The following CLGN variants were observed in gnomAD, a reference collection of about 807,000 sequenced individuals.
CLGN encodes the protein calmegin.
Under a neutral mutation model 79.1 loss-of-function variants are expected in CLGN, and 62 were observed. The observed-to-expected ratio is 0.78, with a 90% CI of 0.64 to 0.97. The LOEUF is 0.97. Ranked by LOEUF, CLGN falls within the 50% of genes least tolerant of loss-of-function variation. The probability of loss-of-function intolerance (pLI) is 0.00; values close to 1 mark genes in which losing one functional copy is unlikely to be tolerated. For synonymous variants in CLGN, 225 were observed against 224.7 expected, an observed-to-expected ratio of 1.00 and a Z score of -0.01; for missense variants, 647 against 715.5, an observed-to-expected ratio of 0.90 and a Z score of 1.09.
intron 1 of CLGN, among the ~76,000 whole-genome samples, chr4:140,415,409 T>C (rs1729308976): frequency 6.6e-6 from 1 of 151,180 alleles, no homozygotes; most frequent in African/African-American, 2.4e-5. Flanking sequence ...GACTGGCAAA[T>C]TGGATAAAGA....
At chr4:140,409,986 A>G in intron 3 of CLGN, 91 bp from the exon 4 acceptor site, 1 of 752,280 alleles carries the variant, frequency 1.3e-6, no homozygotes, top group South Asian at 1.9e-5. Context: ...ATAAAAGATC[A>G]CCCAATACAG....
intron 8 of CLGN, among the ~76,000 whole-genome samples, chr4:140,397,497 T>C (rs899683534): frequency 1.3e-5 from 2 of 152,088 alleles, no homozygotes; most frequent in African/African-American, 4.8e-5. Context: ...TATTTTCATG[T>C]AGTTGAACTT....
Position 140,398,969 on chromosome 4 carries a change from C to T in CLGN, c.766G>A (p.Asp256Asn). The part of the protein sequence containing the change: ...TVVNKGSLLE[D>N]VVPPIKPPKE... ...GGAGGTTTGATAGGAGGAACCACAT[C>T]CTCTAGGAGGCTTCCTTTGTTTACA... The change falls in exon 8 of 15, where the codon GAT becomes AAT. Residue 256 changes from aspartate to asparagine, a missense_variant. By Grantham distance (23) the Asp-to-Asn change is conservative. Coordinates refer to ENST00000325617, the MANE Select transcript of CLGN (RefSeq NM_004362.3). 1.9e-6 allele frequency: 3 copies of T among 1,613,842 alleles called. No homozygotes were observed. The highest frequency in any genetic ancestry group is 2.5e-6 in the Non-Finnish European group (3 of 1,179,848).
At chr4:140,393,176 C>A (rs1339611399) in intron 11 of CLGN, among the ~76,000 whole-genome samples, 1 of 151,934 alleles carries the variant, frequency 6.6e-6, no homozygotes, top group East Asian at 1.9e-4. Flanking sequence ...TATTATTTCT[C>A]TTATTAAAAT....
rs1343674596 is a variant in CLGN, at chr4:140,393,834, C to G, written c.1357G>C (p.Ala453Pro). The change falls in exon 11 of 15, where the codon GCT becomes CCT. Residue 453 changes from alanine (A) to proline (P), a missense_variant. Coordinates refer to ENST00000325617, the MANE Select transcript of CLGN (RefSeq NM_004362.3). ...ATTGGTCAACACCATACCTTATTAG[C>G]ATTTGCTATCATTATTTTCCATCTC... is the stretch of plus-strand genomic sequence containing the variant. ...GWRWKIMIANANKPGVLKQLM... is the reference protein window; with the variant it reads ...GWRWKIMIANPNKPGVLKQLM... 1 of 1,613,354 alleles carries G rather than the reference C, an allele frequency of 6.2e-7. No individual in the cohort carries two copies. Among genetic ancestry groups the G allele is most frequent in the Admixed American group, 1.7e-5 (1 of 60,000 alleles).
chr4:140,400,026 T>G (rs1385592751), intron 7 of CLGN, among the ~76,000 whole-genome samples: 1 of 152,200 alleles, frequency 6.6e-6, no homozygotes, highest in African/African-American at 2.4e-5. Flanking sequence ...ACAGCACCAC[T>G]GTCACAACGT....
At chr4:140,400,625 G>T in intron 6 of CLGN, 76 bp from the exon 7 acceptor site, 1 of 911,660 alleles carries the variant, frequency 1.1e-6, no homozygotes, top group Non-Finnish European at 1.6e-6. Context: ...TTATCCAATG[G>T]GTAGAGTTTA....
chr4:140,405,189 T>A (rs1419990383), intron 5 of CLGN, among the ~76,000 whole-genome samples: 5 of 97,532 alleles, frequency 5.1e-5, no homozygotes, highest in Non-Finnish European at 8.1e-5. Flanking sequence ...ATTTTTTTTT[T>A]TATTTTTTTT....
intron 7 of CLGN, 54 bp from the exon 8 acceptor site, chr4:140,399,094 G>A: frequency 7.0e-7 from 1 of 1,433,906 alleles, no homozygotes; most frequent in East Asian, 2.4e-5. Flanking sequence ...ACGCTTTAAA[G>A]ATAATCTTCT....
At chr4:140,405,125 C>G (rs1729074980) in intron 5 of CLGN, among the ~76,000 whole-genome samples, 1 of 150,048 alleles carries the variant, frequency 6.7e-6, no homozygotes, top group African/African-American at 2.4e-5. Flanking sequence ...TTTTATTATT[C>G]TGTTCTGAAT....
chr4:140,407,708 T>A (rs1393647117), intron 4 of CLGN, among the ~76,000 whole-genome samples: 1 of 150,668 alleles, frequency 6.6e-6, no homozygotes, highest in Non-Finnish European at 1.5e-5. Context: ...TGGAAACACA[T>A]CCCATGCTCA....
At chr4:140,390,502 T>C (rs946180588) in intron 14 of CLGN, 126 bp downstream of exon 14, 4 of 526,644 alleles carry the variant, frequency 7.6e-6, no homozygotes, top group South Asian at 3.2e-5. Context: ...AAAAACAATA[T>C]AGAGGCTCTT....
At chr4:140,423,330 G>C (rs561137583) in intron 1 of CLGN, among the ~76,000 whole-genome samples, 1 of 152,166 alleles carries the variant, frequency 6.6e-6, no homozygotes, top group Non-Finnish European at 1.5e-5. Flanking sequence ...TGTAAATGTG[G>C]CATGGTACAC....
At chr4:140,402,450 G>A (rs534106124) in intron 5 of CLGN, among the ~76,000 whole-genome samples, 13 of 152,014 alleles carry the variant, frequency 8.6e-5, no homozygotes, top group South Asian at 6.2e-4. Context: ...AATAAAGGCC[G>A]TAAGAACCAC....
chr4:140,419,215 A>G (rs1288016295), intron 1 of CLGN, among the ~76,000 whole-genome samples: 18 of 152,208 alleles, frequency 1.2e-4, no homozygotes, highest in African/African-American at 4.3e-4. Flanking sequence ...GGGTGGGGGA[A>G]CGGGGGAGGG....
chr4:140,389,646 T>C (rs760116080), intron 14 of CLGN, among the ~76,000 whole-genome samples: 1 of 151,790 alleles, frequency 6.6e-6, no homozygotes, highest in Non-Finnish European at 1.5e-5. Context: ...GCAGAAACAA[T>C]GATTATTTAA....
At chr4:140,407,930 A>G (rs148773878) in intron 4 of CLGN, among the ~76,000 whole-genome samples, 4 of 152,278 alleles carry the variant, frequency 2.6e-5, no homozygotes, top group African/African-American at 9.6e-5. Flanking sequence ...CCTGACTTCA[A>G]ATTATACAGG....
chr4:140,412,524 T>A (rs1358886493), intron 2 of CLGN, among the ~76,000 whole-genome samples: 1 of 151,988 alleles, frequency 6.6e-6, no homozygotes, highest in Non-Finnish European at 1.5e-5. Flanking sequence ...TAATTCATCC[T>A]CCTTCTTAGC....
chr4:140,404,073 T>A (rs1387407125), intron 5 of CLGN, among the ~76,000 whole-genome samples: 1 of 151,884 alleles, frequency 6.6e-6, no homozygotes, highest in African/African-American at 2.4e-5. Context: ...CCTTTTTTAA[T>A]TTTATTTTTA....
Sources: allele counts gnomAD v4.1 joint callset (sites outside exome capture counted in the v4.1 genomes callset), GRCh38; gene constraint gnomAD v4.1.1; transcripts MANE v1.5; gene names NCBI Gene and HGNC (gene_info 2026-07-23, HGNC 2026-07-21).